The following NPNT variants were observed in gnomAD, a reference collection of about 807,000 sequenced individuals.
NPNT encodes the protein preosteoblast EGF-like repeat protein with MAM domain.
A neutral mutation model predicts 68.6 loss-of-function variants in NPNT; 45 were observed. The observed-to-expected ratio is 0.66, with a 90% CI of 0.52 to 0.84. The LOEUF (loss-of-function observed/expected upper bound fraction) is 0.84. Ranked by LOEUF, NPNT falls within the 40% of genes least tolerant of loss-of-function variation. NPNT has a pLI of 0.00. For missense variants in NPNT, 672 were observed against 714.8 expected (o/e 0.94, Z 0.68); for synonymous variants, 233 against 253.3 (o/e 0.92, Z 0.76).
In NPNT at chr4:105,942,586, A is replaced by C. The variant is rs755034008; in HGVS notation, c.1043A>C (p.Glu348Ala). 6.2e-7 allele frequency: 1 copy of C among 1,614,020 alleles called. No homozygotes were observed. Among genetic ancestry groups the C allele is most frequent in the East Asian group, 2.2e-5 (1 of 44,868 alleles). The stretch of plus-strand genomic sequence containing the variant: ...ACACCTCTACCACCTACAACCCCAG[A>C]AAGGCCAACCACCGGACTGACAACT... ...LRTPLPPTTPERPTTGLTTIA... is the reference protein window; with the variant it reads ...LRTPLPPTTPARPTTGLTTIA... Residue 348 changes from glutamate to alanine, a missense_variant, in exon 8 of 12, where the codon GAA (glutamate) becomes GCA (alanine). Glu to Ala is a moderately radical substitution (Grantham distance 107). Transcript: ENST00000379987.
chr4:105,939,997 T>A, intron 5 of NPNT, 78 bp from the exon 6 acceptor site: 1 of 1,243,472 alleles, frequency 8.0e-7, no homozygotes, highest in South Asian at 1.2e-5. Flanking sequence ...CCATTTGTAG[T>A]CAGTTATTTA....
At chr4:105,960,714 C>T (rs1204318740) in intron 10 of NPNT, among the ~76,000 whole-genome samples, 2 of 152,158 alleles carry the variant, frequency 1.3e-5, no homozygotes, top group Non-Finnish European at 1.5e-5. Flanking sequence ...ACAGCATTAT[C>T]ATTAATGTCA....
At chr4:105,960,078 G>A (rs1265904617) in intron 10 of NPNT, among the ~76,000 whole-genome samples, 1 of 152,116 alleles carries the variant, frequency 6.6e-6, no homozygotes, top group East Asian at 1.9e-4. Context: ...CCAAAGTGCT[G>A]GGATTACAGG....
intron 2 of NPNT, among the ~76,000 whole-genome samples, chr4:105,903,994 A>G (rs1426548057): frequency 6.6e-6 from 1 of 151,994 alleles, no homozygotes; most frequent in Non-Finnish European, 1.5e-5. Context: ...CATGTTGCTC[A>G]GGCTGGTCTC....
chr4:105,911,698 G>A (rs1727378081), intron 2 of NPNT: 2 of 153,606 alleles, frequency 1.3e-5, no homozygotes, highest in Non-Finnish European at 2.9e-5. Context: ...CCCAAAGTTG[G>A]AGAGAGAAGG....
chr4:105,924,487 G>A (rs1413555274), intron 2 of NPNT, among the ~76,000 whole-genome samples: 2 of 152,100 alleles, frequency 1.3e-5, no homozygotes, highest in Non-Finnish European at 2.9e-5. Flanking sequence ...GCTAATCTAA[G>A]GGTTCCTGGT....
intron 10 of NPNT, among the ~76,000 whole-genome samples, chr4:105,966,284 T>A (rs1732126931): frequency 6.6e-6 from 1 of 152,212 alleles, no homozygotes; most frequent in South Asian, 2.1e-4. Flanking sequence ...ACTTGCAACT[T>A]TCTCTCTCTT....
In NPNT at chr4:105,971,495, A is replaced by G. The variant is rs2149422246; in HGVS notation, c.*2505A>G. The G allele has an allele frequency of 5.6e-6, 1 of 177,080 alleles. No homozygotes were observed. Among genetic ancestry groups the G allele is most frequent in the Non-Finnish European group, 1.2e-5 (1 of 80,604 alleles). The allele number at this position is 177,080 out of a possible 1,614,324, so 11.0% of individuals were successfully genotyped here. On this transcript the variant is annotated 3_prime_UTR_variant, in exon 12 of 12. Transcript: ENST00000379987. ...TGAAGATGAAAGGGGAAAATAAATGAAAATTTTACTTTTCGATGCCAATGA... is the reference window on the plus strand; with the variant it reads ...TGAAGATGAAAGGGGAAAATAAATGGAAATTTTACTTTTCGATGCCAATGA...
chr4:105,965,696 G>A (rs1732069738), intron 10 of NPNT, among the ~76,000 whole-genome samples: 1 of 152,104 alleles, frequency 6.6e-6, no homozygotes, highest in Non-Finnish European at 1.5e-5. Flanking sequence ...AATATTGTTT[G>A]GATTAGTTTG....
intron 2 of NPNT, among the ~76,000 whole-genome samples, chr4:105,904,158 A>G (rs891342740): frequency 6.6e-6 from 1 of 152,174 alleles, no homozygotes; most frequent in South Asian, 2.1e-4. Flanking sequence ...TCTCTTACTG[A>G]TGAACATTTA....
In NPNT at chr4:105,940,368, A is replaced by G. The variant is rs984544779; in HGVS notation, c.641-146A>G. 7 of 1,021,252 alleles carry G rather than the reference A, an allele frequency of 6.9e-6. No individual in the cohort carries two copies. In the African/African-American group the frequency reaches 8.0e-5, roughly 12 times the overall value. 63.3% of individuals were successfully genotyped at this position (1,021,252 alleles called of 1,614,324 possible). On this transcript the variant is annotated intron_variant, in intron 6 of 11. Coordinates refer to ENST00000379987, the MANE Select transcript of NPNT (RefSeq NM_001033047.3). ...TAACCACTGGTAGTTCTCAGTCTAC[A>G]TGTAGTTTATTTCTTCTGTTTATCT...
rs139230486 is a variant in NPNT at position 105,940,542 on chromosome 4, T to C, written c.669T>C (p.Tyr223=). ...HDIDECSLGQ[Y]QCSSFARCYN... ...TAGACGAATGCTCACTTGGTCAGTA[T>C]CAGTGCAGCAGCTTTGCTCGATGTT... Residue 223 remains tyrosine (Y), a synonymous_variant, in exon 7 of 12, where the codon TAT becomes TAC. Transcript: ENST00000379987. The C allele has an allele frequency of 2.7e-4, 443 of 1,613,116 alleles. No homozygotes were observed. Among genetic ancestry groups the C allele is most frequent in the Non-Finnish European group, 3.4e-4 (404 of 1,179,296 alleles).
intron 2 of NPNT, among the ~76,000 whole-genome samples, chr4:105,923,441 T>TG (rs1196963188): frequency 6.6e-6 from 1 of 152,216 alleles, no homozygotes; most frequent in African/African-American, 2.4e-5. Flanking sequence ...AGGAAACCTT[T>TG]GCTGTCTTGA....
At chr4:105,895,905 C>A (rs540308620) in intron 1 of NPNT, 182 bp downstream of exon 1, 1 of 591,514 alleles carries the variant, frequency 1.7e-6, no homozygotes, top group Admixed American at 3.1e-5. Flanking sequence ...CCGCCCGAGG[C>A]GGAGAGGGCG....
chr4:105,955,806 CG>C (rs571751015), intron 8 of NPNT, among the ~76,000 whole-genome samples: 1,764 of 151,690 alleles, frequency 0.012, 40 homozygotes, highest in African/African-American at 0.041. Flanking sequence ...TAAAGTGTAT[CG>C]GGGGTGGGTA....
chr4:105,940,696 G>A, intron 7 of NPNT, 60 bp downstream of exon 7: 5 of 1,435,518 alleles, frequency 3.5e-6, no homozygotes, highest in Non-Finnish European at 4.8e-6. Flanking sequence ...TTACACAAAG[G>A]CCATTGCTAG....
chr4:105,897,888 T>A lies in NPNT; in HGVS notation c.72-13T>A. 6.3e-7 allele frequency: 1 copy of A among 1,596,720 alleles called. No homozygotes were observed. Among genetic ancestry groups the A allele is most frequent in the East Asian group, 2.2e-5 (1 of 44,770 alleles). ...AAGTGTCCTTATTTATTTTGAATCT[T>A]TTTTTTTGGTAGGTGGCCCAGGCAA... On this transcript the variant is annotated splice_polypyrimidine_tract_variant and intron_variant, in intron 1 of 11. Transcript: ENST00000379987.
rs1045200646 is a variant in NPNT, at chr4:105,971,058, G to C, written c.*2068G>C. On this transcript the variant is annotated 3_prime_UTR_variant, in exon 12 of 12. Coordinates refer to ENST00000379987, the MANE Select transcript of NPNT (RefSeq NM_001033047.3). ...GTTTTCAATGTTTCTTCATGTTAAAGGTATAAGCCTTTCATTTGTTCAATG... is the reference window on the plus strand; with the variant it reads ...GTTTTCAATGTTTCTTCATGTTAAACGTATAAGCCTTTCATTTGTTCAATG... The C allele has an allele frequency of 4.9e-5, 20 of 411,098 alleles. No homozygotes were observed. Among genetic ancestry groups the C allele is most frequent in the Non-Finnish European group, 9.4e-5 (19 of 201,166 alleles). 25.5% of individuals were successfully genotyped at this position (411,098 alleles called of 1,614,324 possible). A position where few individuals can be genotyped will look rare whatever the true frequency, so the allele number is the denominator to read the frequency against.
chr4:105,956,315 G>T (rs959523423), intron 8 of NPNT, among the ~76,000 whole-genome samples: 1 of 151,968 alleles, frequency 6.6e-6, no homozygotes, highest in African/African-American at 2.4e-5. Flanking sequence ...CCAATGCTAT[G>T]CTTTTTGCTT....
Sources: allele counts gnomAD v4.1 joint callset (sites outside exome capture counted in the v4.1 genomes callset), GRCh38; gene constraint gnomAD v4.1.1; transcripts MANE v1.5; gene names NCBI Gene and HGNC (gene_info 2026-07-23, HGNC 2026-07-21).